The following TNRC6C variants were observed in gnomAD, a reference collection of about 807,000 sequenced individuals.
The protein encoded by TNRC6C is trinucleotide repeat-containing gene 6C protein.
In TNRC6C, 20 loss-of-function variants were observed where a neutral mutation model predicts 153.7. That is an observed-to-expected ratio of 0.13 (90% CI 0.09 to 0.19). The LOEUF is 0.19. TNRC6C is among the 10% of genes least tolerant of loss of function. TNRC6C has a pLI of 1.00. For missense variants in TNRC6C, 1,987 were observed against 2,172.0 expected, an observed-to-expected ratio of 0.91 and a Z score of 1.69; for synonymous variants, 811 against 841.4, an observed-to-expected ratio of 0.96 and a Z score of 0.63.
intron 13 of TNRC6C, among the ~76,000 whole-genome samples, chr17:78,089,016 G>A (rs1304955832): frequency 2.8e-5 from 4 of 142,086 alleles, no homozygotes; most frequent in Non-Finnish European, 6.0e-5. Context: ...TGCCCAGGCT[G>A]GAGTGCGATG....
Position 78,064,940 on chromosome 17 carries a change from A to G in TNRC6C, c.2611+3A>G. 1 of 1,604,778 alleles carries G rather than the reference A, an allele frequency of 6.2e-7. No homozygotes were observed. The highest frequency in any genetic ancestry group is 8.5e-7 in the Non-Finnish European group (1 of 1,175,808). ...TGCCTCAGCCCTGTGCAAACCAGGT[A>G]AGCCTAGCATCCTGCTTGCCCTGAT... On this transcript the variant is annotated splice_donor_region_variant and intron_variant, in intron 4 of 19. Transcript: ENST00000301624.
chr17:78,071,108 G>A (rs1245309297), exon 6 of TNRC6C: 1 of 1,607,076 alleles, frequency 6.2e-7, no homozygotes, highest in Non-Finnish European at 8.5e-7. Context: ...CTGGCAAGCA[G>A]GATGAGGCCT....
intron 1 of TNRC6C, among the ~76,000 whole-genome samples, chr17:77,971,034 G>A (rs2070936640): frequency 6.6e-6 from 1 of 152,104 alleles, no homozygotes; most frequent in Non-Finnish European, 1.5e-5. Flanking sequence ...AAAAAAGTAG[G>A]TGGGGGGTAT....
At chr17:78,071,222 C>T (rs992927863) in intron 6 of TNRC6C, 57 bp downstream of exon 8, 11 of 1,501,450 alleles carry the variant, frequency 7.3e-6, no homozygotes, top group Non-Finnish European at 9.1e-6. Context: ...GAAATGCCCT[C>T]ATTGTTTCCT....
intron 11 of TNRC6C, among the ~76,000 whole-genome samples, chr17:78,084,838 A>G (rs2073250895): frequency 6.6e-6 from 1 of 152,076 alleles, no homozygotes; most frequent in Non-Finnish European, 1.5e-5. Context: ...CATGTTGGTC[A>G]GGCTGCTGGT....
chr17:78,009,841 C>CCAGCTCAGCCCAAATTCGTACATTTAAT (rs1228963442), intron 1 of TNRC6C, among the ~76,000 whole-genome samples: 1 of 152,168 alleles, frequency 6.6e-6, no homozygotes. Flanking sequence ...GCGTGAGCCA[C>CCAGCTCAGCCCAAATTCGTACATTTAAT]TGCCCCTGGC....
chr17:78,017,276 G>A (rs1420121396), intron 1 of TNRC6C, among the ~76,000 whole-genome samples: 2 of 152,108 alleles, frequency 1.3e-5, no homozygotes, highest in African/African-American at 2.4e-5. Flanking sequence ...GTTATGACTT[G>A]GGTGATTGAA....
At chr17:78,087,209 T>C (rs2073310868) in intron 13 of TNRC6C, 116 bp downstream of exon 15, 1 of 1,466,570 alleles carries the variant, frequency 6.8e-7, no homozygotes, top group East Asian at 2.4e-5. Flanking sequence ...GCTGAAACCA[T>C]AGCCTGTTGG....
At chr17:78,069,304 A>G (rs1482722292) in intron 5 of TNRC6C, among the ~76,000 whole-genome samples, 1 of 152,160 alleles carries the variant, frequency 6.6e-6, no homozygotes, top group African/African-American at 2.4e-5. Context: ...GCTCCTAGAC[A>G]CGGACTCACA....
chr17:77,979,904 G>T (rs1216801397), intron 1 of TNRC6C, among the ~76,000 whole-genome samples: 6 of 152,196 alleles, frequency 3.9e-5, no homozygotes, highest in African/African-American at 1.4e-4. Flanking sequence ...TCAAAATACA[G>T]TGGAACGATA....
At chr17:78,037,423 G>A (rs1367155838) in intron 2 of TNRC6C, among the ~76,000 whole-genome samples, 1 of 152,184 alleles carries the variant, frequency 6.6e-6, no homozygotes, top group Non-Finnish European at 1.5e-5. Context: ...CCACTTCAAG[G>A]TATTGTAACA....
Position 78,067,737 on chromosome 17 carries a change from C to T in TNRC6C, c.2612-20C>T. 6.3e-7 allele frequency: 1 copy of T among 1,591,770 alleles called. No homozygotes were observed. Among genetic ancestry groups the T allele is most frequent in the Non-Finnish European group, 8.5e-7 (1 of 1,171,406 alleles). Reference sequence around the variant, plus strand: ...GTTAGGGACATGAATTTGATAAGTTCATGTTTGCTCTGTTTCTAGCTTCAA... The same window carrying T: ...GTTAGGGACATGAATTTGATAAGTTTATGTTTGCTCTGTTTCTAGCTTCAA... On this transcript the variant is annotated intron_variant, in intron 4 of 19. Coordinates refer to ENST00000301624, the Ensembl canonical transcript of TNRC6C.
At chr17:78,011,371 C>A (rs1457167447) in intron 1 of TNRC6C, among the ~76,000 whole-genome samples, 2 of 152,198 alleles carry the variant, frequency 1.3e-5, no homozygotes, top group African/African-American at 4.8e-5. Context: ...TCTAGGCAAA[C>A]ACTGATCTGC....
At chr17:78,001,874 G>C (rs1297881504), upstream of TNRC6C, among the ~76,000 whole-genome samples, 2 of 151,388 alleles carry the variant, frequency 1.3e-5, no homozygotes, top group Non-Finnish European at 2.9e-5. Context: ...ATATTGTCCT[G>C]GGGGGAAGCA....
chr17:78,035,101 A>T (rs948872620), intron 2 of TNRC6C, among the ~76,000 whole-genome samples: 1 of 152,254 alleles, frequency 6.6e-6, no homozygotes, highest in Non-Finnish European at 1.5e-5. Context: ...TGAACCTCTC[A>T]TGATCTCTAA....
chr17:78,086,845 C>A lies in TNRC6C; in HGVS notation c.3562-8C>A, dbSNP rs771768328. 1.9e-6 allele frequency: 3 copies of A among 1,610,466 alleles called. No individual in the cohort carries two copies. In the South Asian group the frequency reaches 3.3e-5, roughly 18 times the overall value. On this transcript the variant is annotated splice_region_variant and splice_polypyrimidine_tract_variant and intron_variant, in intron 12 of 19. Coordinates refer to ENST00000301624, the Ensembl canonical transcript of TNRC6C. ...CCTAGTTAACGCACCTATGTCTCTG[C>A]CTGCCAGGTTGCGCGCACAATCACT...
At chr17:78,001,615 T>G (rs1029211609), upstream of TNRC6C, among the ~76,000 whole-genome samples, 1 of 152,176 alleles carries the variant, frequency 6.6e-6, no homozygotes, top group African/African-American at 2.4e-5. Context: ...AAGTATTGAA[T>G]GAGAAAAGCA....
chr17:77,979,769 G>A (rs532802882), intron 1 of TNRC6C, among the ~76,000 whole-genome samples: 1 of 151,634 alleles, frequency 6.6e-6, no homozygotes, highest in African/African-American at 2.4e-5. Context: ...AAAAATAAAG[G>A]GAAAAGAGAG....
intron 16 of TNRC6C, among the ~76,000 whole-genome samples, chr17:78,095,053 A>ATTAGCATAT (rs2073460175): frequency 6.6e-6 from 1 of 152,188 alleles, no homozygotes; most frequent in African/African-American, 2.4e-5. Context: ...AGACAGGAAA[A>ATTAGCATAT]TTAGCATATT....
Sources: gnomAD v4.1 joint callset for allele counts (sites outside exome capture counted in the v4.1 genomes callset) on GRCh38, gnomAD v4.1.1 for gene constraint, MANE v1.5 for transcripts, NCBI Gene and HGNC (gene_info 2026-07-23, HGNC 2026-07-21) for gene names.